ATE1: variants seen among roughly 807,000 people sequenced by gnomAD.
The protein encoded by ATE1 is arginyl-tRNA--protein transferase 1.
ATE1 carries 36 observed loss-of-function variants against 70.5 expected under a neutral mutation model. The ratio of observed to expected loss-of-function variants is 0.51; its 90% confidence interval spans 0.39 to 0.67. ATE1 has a LOEUF of 0.67. Among genes scored for constraint, ATE1 ranks in the 30% least tolerant of loss-of-function variants. The pLI, the probability that ATE1 is intolerant of heterozygous loss-of-function variation, is 0.00. For missense variants in ATE1, 593 were observed against 629.5 expected (o/e 0.94, Z 0.62); for synonymous variants, 232 against 219.3 (o/e 1.06, Z -0.51).
chr10:121,813,423 A>T (rs563416153), intron 10 of ATE1, among the ~76,000 whole-genome samples: 1 of 152,330 alleles, frequency 6.6e-6, no homozygotes, highest in East Asian at 1.9e-4. Flanking sequence ...AGGGACACAG[A>T]GCCATGTGGC....
intron 3 of ATE1, among the ~76,000 whole-genome samples, chr10:121,914,369 ATT>A (rs35196045): frequency 3.4e-4 from 50 of 148,016 alleles, no homozygotes; most frequent in Admixed American, 2.7e-4. Flanking sequence ...CCAGCAAGAG[ATT>A]TTTTTTTTTT....
At chr10:121,781,343 T>C (rs910493094) in intron 11 of ATE1, among the ~76,000 whole-genome samples, 1 of 152,168 alleles carries the variant, frequency 6.6e-6, no homozygotes, top group Non-Finnish European at 1.5e-5. Flanking sequence ...CTGGTACACA[T>C]GTAGGAGCCT....
At chr10:121,763,111 A>G (rs916715792) in intron 11 of ATE1, among the ~76,000 whole-genome samples, 1 of 152,220 alleles carries the variant, frequency 6.6e-6, no homozygotes, top group African/African-American at 2.4e-5. Context: ...TGTCCTATGA[A>G]AACATTAGTA....
At chr10:121,814,934 G>A (rs927975456) in intron 10 of ATE1, among the ~76,000 whole-genome samples, 1 of 152,180 alleles carries the variant, frequency 6.6e-6, no homozygotes, top group Non-Finnish European at 1.5e-5. Flanking sequence ...AAATATATGT[G>A]CCAACAGGGT....
intron 11 of ATE1, among the ~76,000 whole-genome samples, chr10:121,778,062 G>A (rs1945819281): frequency 6.6e-6 from 1 of 152,178 alleles, no homozygotes; most frequent in East Asian, 1.9e-4. Flanking sequence ...TTAATGAGCT[G>A]AATGCTAATT....
intron 10 of ATE1, among the ~76,000 whole-genome samples, chr10:121,790,710 C>A (rs898732414): frequency 2.0e-5 from 3 of 152,082 alleles, no homozygotes; most frequent in Admixed American, 6.6e-5. Context: ...ATTTCACTAT[C>A]CTTAATGACA....
chr10:121,843,725 C>T (rs577669129), intron 8 of ATE1, among the ~76,000 whole-genome samples: 19 of 149,976 alleles, frequency 1.3e-4, no homozygotes, highest in African/African-American at 3.2e-4. Flanking sequence ...GATATCCATA[C>T]GCAAAAAAAA....
At chr10:121,765,560 C>T (rs1239817957) in intron 11 of ATE1, among the ~76,000 whole-genome samples, 2 of 152,142 alleles carry the variant, frequency 1.3e-5, no homozygotes. Context: ...TATCAGTGCA[C>T]AAATCTAAGG....
At chr10:121,849,693 T>G (rs1052651929) in intron 8 of ATE1, among the ~76,000 whole-genome samples, 5 of 152,236 alleles carry the variant, frequency 3.3e-5, no homozygotes, top group African/African-American at 1.2e-4. Context: ...AATAATGATC[T>G]GCTCTTCTCA....
Position 121,742,745 on chromosome 10 carries a change from G to A in ATE1, c.*935C>T, listed in dbSNP as rs1002561224. The A allele has an allele frequency of 8.5e-5, 13 of 152,146 alleles. No individual in the cohort carries two copies. Among genetic ancestry groups the A allele is most frequent in the African/African-American group, 2.9e-4 (12 of 41,418 alleles). The allele number at this position is 152,146 out of a possible 1,614,324, so 9.4% of individuals were successfully genotyped here. Reference sequence around the variant, plus strand: ...TAGCTCTTGTCCTGGAACAGAGGTCGGAATGATTCCTTCTTCAATGTGATT... The same window carrying A: ...TAGCTCTTGTCCTGGAACAGAGGTCAGAATGATTCCTTCTTCAATGTGATT... On this transcript the variant is annotated 3_prime_UTR_variant, in exon 12 of 12. Transcript: ENST00000224652.
chr10:121,870,462 G>C (rs969883196), intron 7 of ATE1, among the ~76,000 whole-genome samples: 1 of 151,202 alleles, frequency 6.6e-6, no homozygotes, highest in Non-Finnish European at 1.5e-5. Context: ...CAACAAAAGG[G>C]GAGAGGAAAG....
chr10:121,876,840 CCT>C (rs1950067950), intron 7 of ATE1, among the ~76,000 whole-genome samples: 1 of 152,014 alleles, frequency 6.6e-6, no homozygotes, highest in African/African-American at 2.4e-5. Flanking sequence ...GTGGCGGGCG[CCT>C]GTAGTCCCAG....
chr10:121,887,714 G>T (rs577864127), intron 7 of ATE1, among the ~76,000 whole-genome samples: 1 of 151,510 alleles, frequency 6.6e-6, no homozygotes, highest in Non-Finnish European at 1.5e-5. Context: ...CTCAAAAAAC[G>T]ATAAGAAGAA....
In ATE1 at chr10:121,748,559, C is replaced by A. The variant is rs1564805667; in HGVS notation, c.1379-4701G>T. Among the ~76,000 whole-genome samples, 3 of 152,196 alleles carry A rather than the reference C, an allele frequency of 2.0e-5. No homozygotes were observed. The East Asian group carries it at 5.8e-4, about 29-fold the overall frequency. On this transcript the variant is annotated intron_variant, in intron 11 of 11. Coordinates refer to ENST00000224652, the MANE Select transcript of ATE1 (RefSeq NM_001001976.3). ...GATGTCACTGATATCTGTTAACAAA[C>A]ACATACAATTAAGTCTCCTAAACTT...
At chr10:121,760,967 T>C (rs1200923272) in intron 11 of ATE1, among the ~76,000 whole-genome samples, 2 of 152,162 alleles carry the variant, frequency 1.3e-5, no homozygotes, top group Non-Finnish European at 1.5e-5. Flanking sequence ...TGGGAGGTGT[T>C]TGGGTCATGG....
chr10:121,859,446 C>T lies in ATE1; in HGVS notation c.975+10560G>A, dbSNP rs551693703. On this transcript the variant is annotated intron_variant, in intron 8 of 11. Coordinates refer to ENST00000224652, the MANE Select transcript of ATE1 (RefSeq NM_001001976.3). The stretch of plus-strand genomic sequence containing the variant: ...TAATTTTTTGTATTTTTAGTAGAGA[C>T]GGGGTTTCACCGTTTTAGCCGGGAT... Among the ~76,000 whole-genome samples the T allele has an allele frequency of 7.9e-3, 1,195 of 151,602 alleles. 17 individuals carry two copies. Among genetic ancestry groups the T allele is most frequent in the African/African-American group, 0.028 (1,155 of 41,412 alleles).
chr10:121,757,645 C>T (rs892412636), intron 11 of ATE1, among the ~76,000 whole-genome samples: 1 of 152,214 alleles, frequency 6.6e-6, no homozygotes, highest in Non-Finnish European at 1.5e-5. Flanking sequence ...TGCAGGGCAA[C>T]TCCCATTTTT....
At chr10:121,818,256 C>CAAA (rs66792557) in intron 10 of ATE1, among the ~76,000 whole-genome samples, 9,877 of 62,998 alleles carry the variant, frequency 0.16, 2,350 homozygotes, top group Non-Finnish European at 0.17. Flanking sequence ...GACTCCATCT[C>CAAA]AAAAAAAAAA....
intron 10 of ATE1, among the ~76,000 whole-genome samples, chr10:121,824,833 C>T (rs1947942779): frequency 6.6e-6 from 1 of 151,890 alleles, no homozygotes; most frequent in Non-Finnish European, 1.5e-5. Flanking sequence ...TTTCTATATA[C>T]TCTAATTTTC....
Sources: gnomAD v4.1 joint callset for allele counts (sites outside exome capture counted in the v4.1 genomes callset) on GRCh38, gnomAD v4.1.1 for gene constraint, MANE v1.5 for transcripts, NCBI Gene and HGNC (gene_info 2026-07-23, HGNC 2026-07-21) for gene names.